SYNCRIP: variants seen among roughly 807,000 people sequenced by gnomAD.
SYNCRIP encodes the protein synaptotagmin binding cytoplasmic RNA interacting protein.
A neutral mutation model predicts 68.9 loss-of-function variants in SYNCRIP; 9 were observed. The observed-to-expected ratio is 0.13, with a 90% CI of 0.08 to 0.23. The LOEUF (loss-of-function observed/expected upper bound fraction) is 0.23, where lower values mean the gene tolerates loss of function less well. Ranked by LOEUF, SYNCRIP falls within the 10% of genes least tolerant of loss-of-function variation. The pLI is 1.00. For synonymous variants in SYNCRIP, 258 were observed against 254.0 expected (o/e 1.02, Z -0.15); for missense variants, 414 against 770.6 (o/e 0.54, Z 5.48).
At position 85,623,579 on chromosome 6, in the gene SYNCRIP, A is replaced by AAAAAAAAAAAAAAAAAAAC. The variant is rs1554184894; in HGVS notation, c.802+397_802+398insGTTTTTTTTTTTTTTTTTT. Among the ~76,000 whole-genome samples, 204 of 125,806 alleles carry AAAAAAAAAAAAAAAAAAAC rather than the reference A, an allele frequency of 1.6e-3. 2 individuals are homozygous for AAAAAAAAAAAAAAAAAAAC. Among genetic ancestry groups the AAAAAAAAAAAAAAAAAAAC allele is most frequent in the East Asian group, 6.5e-3 (23 of 3,518 alleles). The allele number at this position is 125,806 out of a possible 152,430, so 82.5% of individuals were successfully genotyped here. On this transcript the variant is annotated intron_variant, in intron 7 of 10. Transcript: ENST00000369622. ...ACTGTCTCCAAAAAAAAAAAAAAAA[A>AAAAAAAAAAAAAAAAAAAC]AAAACACTCTGCTACGGCAATACTT...
intron 1 of SYNCRIP, among the ~76,000 whole-genome samples, chr6:85,642,433 A>G (rs1435930232): frequency 6.6e-6 from 1 of 151,934 alleles, no homozygotes; most frequent in Non-Finnish European, 1.5e-5. Context: ...GACCGTGAGC[A>G]CCGCCCAAGC....
intron 4 of SYNCRIP, 113 bp downstream of exon 4, chr6:85,640,108 G>A: frequency 1.4e-6 from 1 of 731,294 alleles, no homozygotes. Flanking sequence ...AGGAAAGATT[G>A]ATGAATTATC....
At chr6:85,642,496 G>C (rs928112558) in intron 1 of SYNCRIP, among the ~76,000 whole-genome samples, 1 of 152,138 alleles carries the variant, frequency 6.6e-6, no homozygotes, top group Non-Finnish European at 1.5e-5. Context: ...CTCCCGCGCC[G>C]CGGCGACCGC....
At chr6:85,610,932 A>G (rs1380924841), downstream of SYNCRIP, 1 of 152,058 alleles carries the variant, frequency 6.6e-6, no homozygotes, top group Non-Finnish European at 1.5e-5. Flanking sequence ...AGTGGCAGAA[A>G]GTTTCATTAA....
At chr6:85,632,725 T>C (rs1193880677) in intron 6 of SYNCRIP, among the ~76,000 whole-genome samples, 1 of 150,706 alleles carries the variant, frequency 6.6e-6, no homozygotes, top group Non-Finnish European at 1.5e-5. Flanking sequence ...TAAGACTGCT[T>C]GAGGCCAAGA....
At chr6:85,611,576 T>C (rs1805248575), downstream of SYNCRIP, 1 of 152,512 alleles carries the variant, frequency 6.6e-6, no homozygotes, top group Admixed American at 6.6e-5. Flanking sequence ...TAATTTTCAC[T>C]TTTTACTTTA....
upstream of SYNCRIP, chr6:85,643,766 G>GGCCCCC (rs1271791756): frequency 6.6e-6 from 1 of 152,062 alleles, no homozygotes; most frequent in Non-Finnish European, 1.5e-5. Flanking sequence ...GTGCGCGCCC[G>GGCCCCC]GCCCCCGCCC....
intron 6 of SYNCRIP, among the ~76,000 whole-genome samples, chr6:85,627,291 TG>T (rs1188266749): frequency 6.7e-6 from 1 of 150,112 alleles, no homozygotes; most frequent in Non-Finnish European, 1.5e-5. Flanking sequence ...AAAAAAAACT[TG>T]GAACAATTGT....
chr6:85,615,069 C>G lies in SYNCRIP; in HGVS notation c.1559G>C (p.Arg520Thr). Residue 520 changes from arginine to threonine, a missense_variant, in exon 11 of 11, where the codon AGA (arginine) becomes ACA (threonine). Transcript: ENST00000369622. ...RGRGAAPPRGRAGYSQRGGPG... is the reference protein window; with the variant it reads ...RGRGAAPPRGTAGYSQRGGPG... ...ACCTCCTCTCTGTGAATAACCGGCT[C>G]TACCGCGGGGAGGAGCAGCCCCACG... 6.2e-7 allele frequency: 1 copy of G among 1,614,180 alleles called. No individual in the cohort carries two copies. The highest frequency in any genetic ancestry group is 8.5e-7 in the Non-Finnish European group (1 of 1,180,042).
chr6:85,638,620 A>G (rs189251001), intron 4 of SYNCRIP, among the ~76,000 whole-genome samples: 30 of 152,286 alleles, frequency 2.0e-4, no homozygotes, highest in Middle Eastern at 6.8e-3. Context: ...ATTACTGGAC[A>G]GATTTTTAAC....
intron 8 of SYNCRIP, among the ~76,000 whole-genome samples, chr6:85,622,235 T>A (rs559434169): frequency 2.0e-5 from 3 of 151,798 alleles, no homozygotes; most frequent in African/African-American, 7.2e-5. Flanking sequence ...ATTAGCCAGG[T>A]GTGGTGGTGG....
chr6:85,623,562 C>CCAAAAAAAAAAAAAAAAAAAAAAAAAAAA (rs572909849), intron 7 of SYNCRIP, among the ~76,000 whole-genome samples: 1 of 63,240 alleles, frequency 1.6e-5, no homozygotes, highest in Non-Finnish European at 2.8e-5. Context: ...AGACTGTCTC[C>CCAAAAAAAAAAAAAAAAAAAAAAAAAAAA]AAAAAAAAAA....
intron 6 of SYNCRIP, among the ~76,000 whole-genome samples, chr6:85,633,572 C>T (rs1808082423): frequency 6.6e-6 from 1 of 152,148 alleles, no homozygotes; most frequent in South Asian, 2.1e-4. Flanking sequence ...GCCTGGGCAA[C>T]AGAGGGAGAC....
downstream of SYNCRIP, among the ~76,000 whole-genome samples, chr6:85,613,822 C>G (rs1371980949): frequency 2.0e-5 from 3 of 152,162 alleles, no homozygotes; most frequent in Non-Finnish European, 4.4e-5. Flanking sequence ...GCAATATACT[C>G]AATCTGAGTT....
chr6:85,637,366 T>G lies in SYNCRIP; in HGVS notation c.376-10A>C, dbSNP rs1314426704. The G allele has an allele frequency of 1.3e-6, 2 of 1,562,860 alleles. No individual in the cohort carries two copies. The highest frequency in any genetic ancestry group is 1.4e-5 in the African/African-American group (1 of 73,748). ...TTCTTTCCAAGAGTGCCTTGAAAAG[T>G]TCAAACGTCATTAATACATTTAATT... On this transcript the variant is annotated splice_polypyrimidine_tract_variant and intron_variant, in intron 4 of 10. Transcript: ENST00000369622.
At chr6:85,626,865 AG>A (rs1482818419) in intron 6 of SYNCRIP, among the ~76,000 whole-genome samples, 2 of 152,210 alleles carry the variant, frequency 1.3e-5, no homozygotes, top group African/African-American at 4.8e-5. Context: ...CATGGTAGGT[AG>A]AAAGTACAAA....
At chr6:85,628,149 G>A (rs1336466301) in intron 6 of SYNCRIP, among the ~76,000 whole-genome samples, 6 of 152,046 alleles carry the variant, frequency 3.9e-5, no homozygotes, top group African/African-American at 1.5e-4. Flanking sequence ...TCCACCTCCC[G>A]GTTTCAAGTG....
At chr6:85,627,435 C>G (rs916349745) in intron 6 of SYNCRIP, among the ~76,000 whole-genome samples, 34 of 152,104 alleles carry the variant, frequency 2.2e-4, no homozygotes, top group African/African-American at 8.2e-4. Context: ...AGCAACACCC[C>G]ATCTACGGAT....
chr6:85,617,003 A>G (rs1219849649), intron 10 of SYNCRIP, among the ~76,000 whole-genome samples: 2 of 152,144 alleles, frequency 1.3e-5, no homozygotes, highest in Non-Finnish European at 2.9e-5. Flanking sequence ...AAATCCTGGT[A>G]TAGTGGTTAA....
Sources: gnomAD v4.1 joint callset for allele counts (sites outside exome capture counted in the v4.1 genomes callset) on GRCh38, gnomAD v4.1.1 for gene constraint, MANE v1.5 for transcripts, NCBI Gene and HGNC (gene_info 2026-07-23, HGNC 2026-07-21) for gene names.